Variants in P4HB observed in about 807,000 individuals in gnomAD.
P4HB encodes the protein protein disulfide-isomerase.
P4HB carries 20 observed loss-of-function variants against 52.6 expected under a neutral mutation model. The ratio of observed to expected loss-of-function variants is 0.38; its 90% CI spans 0.27 to 0.55. The LOEUF is 0.55. Among genes scored for constraint, P4HB ranks in the 20% least tolerant of loss-of-function variants. The pLI is 0.74. For missense variants in P4HB, 601 were observed against 669.2 expected (o/e 0.90, Z 1.12); for synonymous variants, 296 against 277.9 (o/e 1.07, Z -0.65).
At chr17:81,851,349 C>T (rs1286222436) in intron 4 of P4HB, among the ~76,000 whole-genome samples, 1 of 152,260 alleles carries the variant, frequency 6.6e-6, no homozygotes, top group Non-Finnish European at 1.5e-5. Context: ...TGCTCTTGTG[C>T]ACGCTGTGCC....
At chr17:81,858,014 G>A (rs983778462) in intron 2 of P4HB, among the ~76,000 whole-genome samples, 12 of 152,034 alleles carry the variant, frequency 7.9e-5, no homozygotes, top group Non-Finnish European at 1.6e-4. Flanking sequence ...CATCAATCAC[G>A]CCTGTAATCC....
At chr17:81,844,581 TC>T (rs1280208640) in intron 10 of P4HB, among the ~76,000 whole-genome samples, 1 of 152,104 alleles carries the variant, frequency 6.6e-6, no homozygotes, top group African/African-American at 2.4e-5. Flanking sequence ...GGCAGAGTAT[TC>T]CCACCTCCCA....
At chr17:81,854,662 T>C (rs560988633) in intron 4 of P4HB, among the ~76,000 whole-genome samples, 1 of 151,522 alleles carries the variant, frequency 6.6e-6, no homozygotes, top group African/African-American at 2.4e-5. Flanking sequence ...CTGGCCAAAA[T>C]GGTGAAATCT....
At chr17:81,849,059 A>T (rs544113979) in intron 4 of P4HB, among the ~76,000 whole-genome samples, 1 of 151,324 alleles carries the variant, frequency 6.6e-6, no homozygotes, top group East Asian at 2.0e-4. Context: ...AAAAAAAAAA[A>T]ATACAAAAAT....
At chr17:81,858,100 C>T (rs1422711004) in intron 2 of P4HB, among the ~76,000 whole-genome samples, 2 of 151,794 alleles carry the variant, frequency 1.3e-5, no homozygotes, top group African/African-American at 4.8e-5. Context: ...GGTGAAACCC[C>T]GTCTCTACTA....
chr17:81,855,399 C>A lies in P4HB; in HGVS notation c.486+54G>T, dbSNP rs1598270209. The A allele has an allele frequency of 1.3e-6, 2 of 1,596,944 alleles. No individual in the cohort carries two copies. The highest frequency in any genetic ancestry group is 1.7e-6 in the Non-Finnish European group (2 of 1,168,574). ...AGAACTGCCAGCTGCAGGCTGTGGACCCCTCCTCAATGGATGACGGAAGGA... is the reference window on the plus strand; with the variant it reads ...AGAACTGCCAGCTGCAGGCTGTGGAACCCTCCTCAATGGATGACGGAAGGA... On this transcript the variant is annotated intron_variant, in intron 3 of 10. Coordinates refer to ENST00000331483, the MANE Select transcript of P4HB (RefSeq NM_000918.4). This position sits in a 1 kb window ranked among gnomAD's most constrained non-coding sequence, Gnocchi z 4.3.
At chr17:81,850,001 T>C (rs1422424095) in intron 4 of P4HB, among the ~76,000 whole-genome samples, 8 of 151,102 alleles carry the variant, frequency 5.3e-5, no homozygotes, top group Admixed American at 2.0e-4. Flanking sequence ...CTAATTTTTG[T>C]ATTTTTAGTA....
At chr17:81,849,020 TG>T (rs1243188068) in intron 4 of P4HB, among the ~76,000 whole-genome samples, 1 of 144,860 alleles carries the variant, frequency 6.9e-6, no homozygotes, top group African/African-American at 2.6e-5. Flanking sequence ...CACTCCAGCC[TG>T]GGCAACAGAG....
intron 4 of P4HB, chr17:81,847,674 C>G (rs2038758406): frequency 2.7e-6 from 1 of 364,226 alleles, no homozygotes; most frequent in Admixed American, 3.8e-5. Flanking sequence ...GTGGTCAAAG[C>G]TATTTTCTTT....
chr17:81,844,059 C>G lies in P4HB; in HGVS notation c.1480G>C (p.Asp494His). 1.2e-6 allele frequency: 2 copies of G among 1,613,818 alleles called. No individual in the cohort carries two copies. Among genetic ancestry groups the G allele is most frequent in the Non-Finnish European group, 1.7e-6 (2 of 1,179,720 alleles). Reference protein sequence around the residue: ...LEDLEEAEEPDMEEDDDQKAV... With the variant: ...LEDLEEAEEPHMEEDDDQKAV... ...TTCTGATCATCGTCTTCCTCCATGT[C>G]TGGCTCCTCTGCTTCTTCCAGGTCC... Residue 494 changes from aspartate (D) to histidine (H), a missense_variant, in exon 11 of 11, where the codon GAC becomes CAC. Asp to His is a moderately conservative substitution (Grantham distance 81, BLOSUM62 -1). Coordinates refer to ENST00000331483, the MANE Select transcript of P4HB (RefSeq NM_000918.4).
rs200908093 is a variant in P4HB, at chr17:81,845,245, G to A, written c.1360-15C>T. 33 of 1,592,684 alleles carry A rather than the reference G, an allele frequency of 2.1e-5. No individual in the cohort carries two copies. Among genetic ancestry groups the A allele is most frequent in the South Asian group, 6.7e-5 (6 of 90,132 alleles). Reference sequence around the variant, plus strand: ...TAATCAATGACCTGTGGAAGACAGGGATGAGTGCAGGGGCTGGTCCCGGCC... The same window carrying A: ...TAATCAATGACCTGTGGAAGACAGGAATGAGTGCAGGGGCTGGTCCCGGCC... On this transcript the variant is annotated splice_polypyrimidine_tract_variant and intron_variant, in intron 9 of 10. Coordinates refer to ENST00000331483, the MANE Select transcript of P4HB (RefSeq NM_000918.4).
At chr17:81,852,731 G>A (rs74839901) in intron 4 of P4HB, among the ~76,000 whole-genome samples, 2 of 152,262 alleles carry the variant, frequency 1.3e-5, no homozygotes, top group Non-Finnish European at 2.9e-5. Context: ...CCACGTGTGA[G>A]CCTTTGCAGG....
intron 2 of P4HB, among the ~76,000 whole-genome samples, chr17:81,857,396 G>A (rs751802206): frequency 4.6e-5 from 7 of 151,924 alleles, no homozygotes; most frequent in Admixed American, 6.6e-5. Flanking sequence ...TGATCCACCC[G>A]TCTCAGCCTC....
chr17:81,845,216 G>A lies in P4HB; in HGVS notation c.1374C>T (p.Asn458=), dbSNP rs142269995. The change falls in exon 10 of 11, where the codon AAC becomes AAT. Residue 458 remains asparagine (N), a synonymous_variant. Transcript: ENST00000331483. ...TAAAACCATCCAGCGTGCGTTCCCC[G>A]TTGTAATCAATGACCTGTGGAAGAC... ...ASADRTVIDY[N]GERTLDGFKK... The A allele has an allele frequency of 1.4e-4, 230 of 1,613,250 alleles. No individual in the cohort carries two copies. The African/African-American group carries it at 2.3e-3, about 16-fold the overall frequency.
In P4HB at chr17:81,855,372, G is replaced by A. The variant is rs1455992331; in HGVS notation, c.486+81C>T. 6.3e-7 allele frequency: 1 copy of A among 1,596,546 alleles called. No homozygotes were observed. Among genetic ancestry groups the A allele is most frequent in the Non-Finnish European group, 8.6e-7 (1 of 1,167,574 alleles). ...AGAGCCCAGGCCAGGGGGGACACGT[G>A]CAGAACTGCCAGCTGCAGGCTGTGG... On this transcript the variant is annotated intron_variant, in intron 3 of 10. Coordinates refer to ENST00000331483, the MANE Select transcript of P4HB (RefSeq NM_000918.4). The surrounding 1 kb of genome is among the most constrained non-coding windows in gnomAD (Gnocchi z 4.3).
chr17:81,844,187 G>A (rs1256838632), intron 10 of P4HB, 95 bp from the exon 11 acceptor site: 2 of 897,294 alleles, frequency 2.2e-6, no homozygotes, highest in Non-Finnish European at 3.8e-6. Flanking sequence ...CCGGGGACTA[G>A]CCGGCCACGG....
Position 81,855,480 on chromosome 17 carries a change from G to T in P4HB, c.459C>A (p.Ser153Arg), listed in dbSNP as rs747146706. ...TGAAGAAGCCGATGACAGCCACCTCGCTGGACTCCACCAAGGACTCTGCAG... is the reference window on the plus strand; with the variant it reads ...TGAAGAAGCCGATGACAGCCACCTCTCTGGACTCCACCAAGGACTCTGCAG... ...GAAAESLVES[S>R]EVAVIGFFKD... Residue 153 changes from serine (S) to arginine (R), a missense_variant, in exon 3 of 11, where the codon AGC becomes AGA. By Grantham distance (110) the Ser-to-Arg change is moderately radical. Transcript: ENST00000331483. The surrounding 1 kb of genome is among the most constrained non-coding windows in gnomAD (Gnocchi z 4.3). 1 of 1,613,598 alleles carries T rather than the reference G, an allele frequency of 6.2e-7. No individual in the cohort carries two copies. The highest frequency in any genetic ancestry group is 8.5e-7 in the Non-Finnish European group (1 of 1,179,822).
Position 81,843,843 on chromosome 17 carries a change from AC to A in P4HB, c.*168del, listed in dbSNP as rs2038689572. On this transcript the variant is annotated 3_prime_UTR_variant, in exon 11 of 11. Transcript: ENST00000331483. ...AAAAACCGAAAAGCAGAAGGAAGAG[AC>A]GGGGGTGAACGGACGGTGTGTAGGG... 1 of 644,060 alleles carries A rather than the reference AC, an allele frequency of 1.6e-6. No homozygotes were observed. Among genetic ancestry groups the A allele is most frequent in the Non-Finnish European group, 2.8e-6 (1 of 359,146 alleles). 39.9% of individuals were successfully genotyped at this position (644,060 alleles called of 1,614,324 possible). A position where few individuals can be genotyped will look rare whatever the true frequency, so the allele number is the denominator to read the frequency against.
chr17:81,857,618 G>A (rs929182614), intron 2 of P4HB, among the ~76,000 whole-genome samples: 5 of 152,108 alleles, frequency 3.3e-5, no homozygotes, highest in African/African-American at 7.2e-5. Flanking sequence ...CCTGACTCCC[G>A]CGCCTCCTAA....
Sources: gnomAD v4.1 joint callset for allele counts (sites outside exome capture counted in the v4.1 genomes callset) on GRCh38, gnomAD v4.1.1 for gene constraint, Gnocchi (gnomAD v3.1) non-coding constraint, MANE v1.5 for transcripts, NCBI Gene and HGNC (gene_info 2026-07-23, HGNC 2026-07-21) for gene names.